Variants in SLC39A11 observed in about 807,000 individuals in gnomAD.
SLC39A11 encodes the protein solute carrier family 39 member 11.
In SLC39A11, 33 loss-of-function variants were observed where a neutral mutation model predicts 36.1. That is an observed-to-expected ratio of 0.91 (90% CI 0.69 to 1.22). SLC39A11 has a LOEUF of 1.22. Among genes scored for constraint, SLC39A11 ranks in the 50% most tolerant of loss-of-function variants. The probability of loss-of-function intolerance (pLI) is 0.00; values close to 1 mark genes in which losing one functional copy is unlikely to be tolerated. For synonymous variants in SLC39A11, 166 were observed against 170.3 expected (o/e 0.97, Z 0.20); for missense variants, 432 against 430.3 (o/e 1.00, Z -0.03).
chr17:73,084,436 T>TC (rs2060649712), intron 3 of SLC39A11, among the ~76,000 whole-genome samples: 3 of 17,472 alleles, frequency 1.7e-4, no homozygotes, highest in African/African-American at 6.7e-4. Flanking sequence ...AGGCTCTGTC[T>TC]CAAAAAAAAA....
chr17:72,937,470 A>T (rs200415232), intron 5 of SLC39A11, among the ~76,000 whole-genome samples: 21 of 143,802 alleles, frequency 1.5e-4, no homozygotes, highest in South Asian at 9.4e-4. Context: ...AAACAAACAA[A>T]AAATAAATAA....
At chr17:72,958,019 C>T (rs1250261597) in intron 4 of SLC39A11, among the ~76,000 whole-genome samples, 2 of 152,124 alleles carry the variant, frequency 1.3e-5, no homozygotes, top group Admixed American at 6.5e-5. Context: ...AAAATAGACA[C>T]ATAGACCGAT....
intron 5 of SLC39A11, 60 bp from the exon 6 acceptor site, chr17:72,849,864 T>G: frequency 7.0e-7 from 1 of 1,428,370 alleles, no homozygotes; most frequent in African/African-American, 1.4e-5. Flanking sequence ...CATGTGCACG[T>G]TAACTCTCCA....
At chr17:72,926,343 C>T (rs2084048866) in intron 5 of SLC39A11, among the ~76,000 whole-genome samples, 1 of 152,118 alleles carries the variant, frequency 6.6e-6, no homozygotes, top group Non-Finnish European at 1.5e-5. Context: ...GCTCCAGAGA[C>T]CAAAAGAAAG....
intron 3 of SLC39A11, among the ~76,000 whole-genome samples, chr17:73,038,242 C>A (rs4246435): frequency 0.7 from 105,869 of 151,992 alleles, 38,477 homozygotes; most frequent in East Asian, 0.89. Context: ...ACAAACAAAC[C>A]AACAAAAACA....
At chr17:72,696,021 C>T (rs2072279153) in intron 7 of SLC39A11, among the ~76,000 whole-genome samples, 1 of 152,228 alleles carries the variant, frequency 6.6e-6, no homozygotes, top group African/African-American at 2.4e-5. Flanking sequence ...GGGGCAGGCA[C>T]CACCACACCT....
chr17:72,872,915 C>T (rs772227184), intron 5 of SLC39A11, among the ~76,000 whole-genome samples: 2 of 151,838 alleles, frequency 1.3e-5, no homozygotes, highest in African/African-American at 2.4e-5. Flanking sequence ...ATTAGCCGGG[C>T]GTGGTGGCGG....
intron 7 of SLC39A11, among the ~76,000 whole-genome samples, chr17:72,709,195 C>T (rs2143261572): frequency 6.6e-6 from 1 of 152,346 alleles, no homozygotes; most frequent in East Asian, 1.9e-4. Flanking sequence ...ACCTCGGCCT[C>T]CCAAAGTGCT....
intron 5 of SLC39A11, among the ~76,000 whole-genome samples, chr17:72,895,436 G>A (rs759381835): frequency 2.6e-5 from 4 of 152,110 alleles, no homozygotes; most frequent in African/African-American, 7.2e-5. Flanking sequence ...AAAATCAGCT[G>A]GGCATGCTGG....
chr17:72,981,251 T>C (rs553277866), intron 4 of SLC39A11, among the ~76,000 whole-genome samples: 19 of 152,320 alleles, frequency 1.2e-4, no homozygotes, highest in African/African-American at 4.6e-4. Flanking sequence ...CCACTGTGTA[T>C]TTTTTATTTA....
At chr17:73,013,225 C>A (rs771483302) in intron 4 of SLC39A11, among the ~76,000 whole-genome samples, 9 of 152,094 alleles carry the variant, frequency 5.9e-5, no homozygotes, top group Non-Finnish European at 1.3e-4. Flanking sequence ...GTAGCTGGGA[C>A]TACAGGCGTG....
At chr17:72,825,637 C>T in intron 6 of SLC39A11, among the ~76,000 whole-genome samples, 1 of 152,206 alleles carries the variant, frequency 6.6e-6, no homozygotes, top group African/African-American at 2.4e-5. Context: ...GAAAAGCAGC[C>T]AAGAGGCTGT....
At chr17:72,919,692 A>G (rs981386913) in intron 5 of SLC39A11, among the ~76,000 whole-genome samples, 2 of 151,250 alleles carry the variant, frequency 1.3e-5, no homozygotes, top group Admixed American at 6.6e-5. Flanking sequence ...AAAAGAAAAA[A>G]AGAAGGAAAC....
Position 72,921,240 on chromosome 17 carries a change from T to C in SLC39A11, c.430+26512A>G, listed in dbSNP as rs550969373. Among the ~76,000 whole-genome samples, 157 of 152,290 alleles carry C rather than the reference T, an allele frequency of 1.0e-3. 1 individual carries two copies. The highest frequency in any genetic ancestry group is 3.4e-3 in the Middle Eastern group (1 of 294). On this transcript the variant is annotated intron_variant, in intron 5 of 9. Coordinates refer to ENST00000255559, the MANE Select transcript of SLC39A11 (RefSeq NM_139177.4). ...CATAGGACTATGCTTCACGAGAACC[T>C]GCTGCTGATGCTGCACTTAGGGTCA... is the stretch of plus-strand genomic sequence containing the variant.
chr17:72,711,204 A>G (rs2073093437), intron 7 of SLC39A11, among the ~76,000 whole-genome samples: 1 of 152,214 alleles, frequency 6.6e-6, no homozygotes, highest in Non-Finnish European at 1.5e-5. Context: ...CTCAATAGGA[A>G]AAGAATCCCT....
intron 5 of SLC39A11, among the ~76,000 whole-genome samples, chr17:72,890,284 CAAAA>C (rs11335169): frequency 7.1e-6 from 1 of 140,976 alleles, no homozygotes; most frequent in African/African-American, 2.6e-5. Context: ...ACAACAACAA[CAAAA>C]AAAAAAAAAA....
intron 7 of SLC39A11, among the ~76,000 whole-genome samples, chr17:72,690,358 A>G (rs1428974042): frequency 6.6e-6 from 1 of 152,216 alleles, no homozygotes; most frequent in East Asian, 1.9e-4. Flanking sequence ...ACGTCGGAGA[A>G]TTCCCCAAGG....
chr17:72,910,926 C>CAAAAAA (rs199741291), intron 5 of SLC39A11, among the ~76,000 whole-genome samples: 4 of 111,986 alleles, frequency 3.6e-5, no homozygotes, highest in African/African-American at 1.3e-4. Flanking sequence ...GACTCCACCT[C>CAAAAAA]AAAAAAAAAA....
At chr17:72,882,794 C>CTTCTTTTTTTTTTTTTCTTT (rs1555614332) in intron 5 of SLC39A11, among the ~76,000 whole-genome samples, 21 of 66,504 alleles carry the variant, frequency 3.2e-4, no homozygotes, top group Middle Eastern at 7.1e-3. Context: ...AGAGAGAATG[C>CTTCTTTTTTTTTTTTTCTTT]TTCTTTTTTT....
Sources: allele counts gnomAD v4.1 joint callset (sites outside exome capture counted in the v4.1 genomes callset), GRCh38; gene constraint gnomAD v4.1.1; transcripts MANE v1.5; gene names NCBI Gene and HGNC (gene_info 2026-07-23, HGNC 2026-07-21).